FIS1: variants seen among roughly 807,000 people sequenced by gnomAD.
FIS1 encodes mitochondrial fission 1 protein.
FIS1 carries 16 observed loss-of-function variants against 21.6 expected under a neutral mutation model. That is an observed-to-expected ratio of 0.74 (90% CI 0.50 to 1.12). The LOEUF (loss-of-function observed/expected upper bound fraction) is 1.12. Among genes scored for constraint, FIS1 ranks in the 50% most tolerant of loss-of-function variants. The pLI, the probability that FIS1 is intolerant of heterozygous loss-of-function variation, is 0.00. For synonymous variants in FIS1, 92 were observed against 82.2 expected (o/e 1.12, Z -0.65); for missense variants, 198 against 190.9 (o/e 1.04, Z -0.22).
At chr7:101,241,164 A>T in intron 2 of FIS1, 1 of 461,746 alleles carries the variant, frequency 2.2e-6, no homozygotes, top group South Asian at 3.2e-5. Context: ...CATCCAACTG[A>T]AATGAGGAAA....
chr7:101,243,527 A>G (rs1362779033), intron 2 of FIS1, among the ~76,000 whole-genome samples: 1 of 152,188 alleles, frequency 6.6e-6, no homozygotes, highest in African/African-American at 2.4e-5. Flanking sequence ...GTGAGCTGAG[A>G]CAGCGCCACT....
chr7:101,241,264 A>C, intron 2 of FIS1: 1 of 228,352 alleles, frequency 4.4e-6, no homozygotes, highest in Non-Finnish European at 8.8e-6. Context: ...CTCGTCGCCC[A>C]GGCTGCGGTG....
chr7:101,240,039 G>T, intron 4 of FIS1, 103 bp downstream of exon 4: 1 of 1,442,398 alleles, frequency 6.9e-7, no homozygotes, highest in Non-Finnish European at 9.7e-7. Context: ...AGAACTGGAA[G>T]GGGTGGGGCT....
chr7:101,239,852 C>T lies in FIS1; in HGVS notation c.413G>A (p.Gly138Glu), dbSNP rs1798712479. 6.2e-7 allele frequency: 1 copy of T among 1,605,922 alleles called. No individual in the cohort carries two copies. The highest frequency in any genetic ancestry group is 8.5e-7 in the Non-Finnish European group (1 of 1,176,004). Residue 138 changes from glycine to glutamate, a missense_variant, in exon 5 of 5, where the codon GGA becomes GAA. Transcript: ENST00000223136. ...IVGGMALGVA[G>E]LAGLIGLAVS... is the part of the protein sequence containing the mutation. ...AGCAAGTCCGATGAGTCCGGCCAGTCCCGCCACACCCAGGGCCATGCCTCC... is the reference window on the plus strand; with the variant it reads ...AGCAAGTCCGATGAGTCCGGCCAGTTCCGCCACACCCAGGGCCATGCCTCC...
In FIS1 at chr7:101,240,884, C is replaced by T; in HGVS notation, c.201G>A (p.Lys67=). The change falls in exon 3 of 5, where the codon AAG becomes AAA. Residue 67 remains lysine, a synonymous_variant. Transcript: ENST00000223136. ...AGAAGACGTAATCCCGCTGTTCCTC[C>T]TTGCTCCCTTTGGGCAGCAGCTCTG... ...LLEELLPKGS[K]EEQRDYVFYL... The T allele has an allele frequency of 1.2e-6, 2 of 1,614,178 alleles. No individual in the cohort carries two copies. The highest frequency in any genetic ancestry group is 1.7e-6 in the Non-Finnish European group (2 of 1,180,036).
intron 4 of FIS1, 112 bp downstream of exon 4, chr7:101,240,030 G>T: frequency 1.4e-6 from 2 of 1,427,456 alleles, no homozygotes; most frequent in East Asian, 2.3e-5. Flanking sequence ...GGGGCTCTAA[G>T]AACTGGAAGG....
rs1038549357 is a variant in FIS1, at chr7:101,244,108, G to A, written c.77C>T (p.Ala26Val). ...CGTGCTCTTGGACACCGAGCCTGCT[G>A]CCTTCTCAGACTGAAATTTCTTTTC... Reference protein sequence around the residue: ...KFEKKFQSEKAAGSVSKSTQF... With the variant: ...KFEKKFQSEKVAGSVSKSTQF... The change falls in exon 2 of 5, where the codon GCA (alanine) becomes GTA (valine). Residue 26 changes from alanine to valine, a missense_variant. Transcript: ENST00000223136. 1 of 1,613,852 alleles carries A rather than the reference G, an allele frequency of 6.2e-7. No homozygotes were observed. The highest frequency in any genetic ancestry group is 1.3e-5 in the African/African-American group (1 of 75,066).
At chr7:101,244,683 A>G (rs1429931213) in intron 1 of FIS1, 2 of 544,780 alleles carry the variant, frequency 3.7e-6, no homozygotes, top group Non-Finnish European at 6.6e-6. Context: ...CTGAGCTCAC[A>G]GCTCCTGCAT....
intron 2 of FIS1, 113 bp downstream of exon 2, chr7:101,243,894 T>C (rs1469193709): frequency 1.2e-5 from 17 of 1,374,108 alleles, no homozygotes; most frequent in African/African-American, 1.5e-5. Flanking sequence ...AAGCTAAGTA[T>C]AGCCCTTGGT....
chr7:101,244,434 G>A (rs1798787044), intron 1 of FIS1: 1 of 413,798 alleles, frequency 2.4e-6, no homozygotes, highest in Non-Finnish European at 4.4e-6. Flanking sequence ...CGGCCGAACA[G>A]TAAACACGCT....
At position 101,244,893 on chromosome 7, in the gene FIS1, C is replaced by A. The variant is rs750117679; in HGVS notation, c.45+67G>T. On this transcript the variant is annotated intron_variant, in intron 1 of 4. Coordinates refer to ENST00000223136, the MANE Select transcript of FIS1 (RefSeq NM_016068.3). ...CCGATGCCGGGAGGAGGGTTCGGCC[C>A]CTACCTGACTCTCCTCAGGACCCGC... 1.9e-6 allele frequency: 3 copies of A among 1,592,238 alleles called. No homozygotes were observed. The South Asian group carries it at 3.3e-5, about 18-fold the overall frequency.
At chr7:101,244,626 G>T in intron 1 of FIS1, 3 of 455,780 alleles carry the variant, frequency 6.6e-6, no homozygotes, top group Non-Finnish European at 8.0e-6. Context: ...AGTAATAGGT[G>T]ACACCTTATG....
In FIS1 at chr7:101,244,054, C is replaced by T; in HGVS notation, c.131G>A (p.Arg44Gln). 2 of 1,613,990 alleles carry T rather than the reference C, an allele frequency of 1.2e-6. No individual in the cohort carries two copies. Among genetic ancestry groups the T allele is most frequent in the Non-Finnish European group, 1.7e-6 (2 of 1,179,984 alleles). The change falls in exon 2 of 5, where the codon CGG (arginine) becomes CAG (glutamine). Residue 44 changes from arginine (R) to glutamine (Q), a missense_variant. Arg to Gln is a conservative substitution (Grantham distance 43). Transcript: ENST00000223136. Reference protein sequence around the residue: ...TQFEYAWCLVRSKYNDDIRKG... With the variant: ...TQFEYAWCLVQSKYNDDIRKG... ...ACGGATGTCATCATTGTACTTGCTCCGCACCAGGCACCAGGCGTACTCAAA... is the reference window on the plus strand; with the variant it reads ...ACGGATGTCATCATTGTACTTGCTCTGCACCAGGCACCAGGCGTACTCAAA...
At chr7:101,240,270 G>A (rs752650935) in intron 3 of FIS1, 23 bp from the exon 4 acceptor site, 2 of 1,607,654 alleles carry the variant, frequency 1.2e-6, no homozygotes, top group South Asian at 1.1e-5. Flanking sequence ...AAACGCGCAC[G>A]CGTCATACAC....
At chr7:101,244,939 T>G in intron 1 of FIS1, 21 bp downstream of exon 1, 1 of 1,613,854 alleles carries the variant, frequency 6.2e-7, no homozygotes, top group Non-Finnish European at 8.5e-7. Flanking sequence ...TCCCTTTCCC[T>G]CTGTCCGGGC....
In FIS1 at chr7:101,239,622, A is replaced by C; in HGVS notation, c.*184T>G. The C allele has an allele frequency of 3.1e-6, 2 of 653,168 alleles. No homozygotes were observed. Among genetic ancestry groups the C allele is most frequent in the East Asian group, 2.8e-5 (1 of 35,214 alleles). 40.5% of individuals were successfully genotyped at this position (653,168 alleles called of 1,614,324 possible). A position where few individuals can be genotyped will look rare whatever the true frequency, so the allele number is the denominator to read the frequency against. On this transcript the variant is annotated 3_prime_UTR_variant, in exon 5 of 5. Coordinates refer to ENST00000223136, the MANE Select transcript of FIS1 (RefSeq NM_016068.3). ...ACGCAGACACGGGGGTTCCCAAGCC[A>C]CAGCCCCGTTTTATTTACACTCATC...
rs888503334 is a variant in FIS1, at chr7:101,244,146, C to T, written c.46-7G>A. On this transcript the variant is annotated splice_region_variant and splice_polypyrimidine_tract_variant and intron_variant, in intron 1 of 4. Transcript: ENST00000223136. ...GAAATTTCTTTTCAAACTTCTGCCA[C>T]AGGGGAGGAAAGGAATCATTTAGAA... 5 of 1,612,530 alleles carry T rather than the reference C, an allele frequency of 3.1e-6. No homozygotes were observed. Among genetic ancestry groups the T allele is most frequent in the Non-Finnish European group, 4.2e-6 (5 of 1,179,080 alleles).
At chr7:101,244,217 G>A (rs1798784639) in intron 1 of FIS1, 78 bp from the exon 2 acceptor site, 3 of 1,504,074 alleles carry the variant, frequency 2.0e-6, no homozygotes, top group African/African-American at 2.8e-5. Context: ...CATCTCCCTG[G>A]CTCTGCCCCT....
At chr7:101,241,049 T>A in intron 2 of FIS1, 143 bp from the exon 3 acceptor site, 1 of 761,012 alleles carries the variant, frequency 1.3e-6, no homozygotes, top group Non-Finnish European at 2.2e-6. Flanking sequence ...TCAGCTCCAG[T>A]CACTCCCAGC....
Sources: allele counts gnomAD v4.1 joint callset (sites outside exome capture counted in the v4.1 genomes callset), GRCh38; gene constraint gnomAD v4.1.1; transcripts MANE v1.5; gene names NCBI Gene and HGNC (gene_info 2026-07-23, HGNC 2026-07-21).